Variants in ABCA9 observed in about 807,000 individuals in gnomAD.
ABCA9 encodes ATP-binding cassette sub-family A member 9.
In ABCA9, 183 loss-of-function variants were observed where a neutral mutation model predicts 205.3. The observed-to-expected ratio is 0.89, with a 90% CI of 0.79 to 1.01. The LOEUF (loss-of-function observed/expected upper bound fraction) is 1.01, where lower values mean the gene tolerates loss of function less well. Among genes scored for constraint, ABCA9 ranks in the 50% least tolerant of loss-of-function variants. The pLI, the probability that ABCA9 is intolerant of heterozygous loss-of-function variation, is 0.00. For missense variants in ABCA9, 1,805 were observed against 1,912.4 expected (o/e 0.94, Z 1.05); for synonymous variants, 651 against 683.3 (o/e 0.95, Z 0.74).
intron 1 of ABCA9, among the ~76,000 whole-genome samples, chr17:69,054,166 GA>G (rs973667307): frequency 3.9e-5 from 6 of 152,118 alleles, no homozygotes; most frequent in Non-Finnish European, 8.8e-5. Flanking sequence ...GTTGCCAGTA[GA>G]CCTGCCTTGC....
At chr17:69,071,106 T>C in the ABCA9 span, among the ~76,000 whole-genome samples, 196 of 152,238 alleles carry the variant, frequency 1.3e-3, no homozygotes, top group African/African-American at 4.6e-3. Flanking sequence ...GGCTTATAGA[T>C]AAAACTCTGA....
chr17:68,998,318 T>G (rs540624240), intron 25 of ABCA9, among the ~76,000 whole-genome samples: 50 of 152,354 alleles, frequency 3.3e-4, no homozygotes, highest in Admixed American at 3.1e-3. Context: ...CATTTTATAT[T>G]TGATTATGTC....
rs1261573082 is a variant in ABCA9, at chr17:69,049,271, CA to C, written c.304+11del. 5.7e-6 allele frequency: 9 copies of C among 1,588,470 alleles called. No homozygotes were observed. In the Admixed American group the frequency reaches 1.6e-4, roughly 28 times the overall value. On this transcript the variant is annotated intron_variant, in intron 3 of 38. Transcript: ENST00000340001. ...AAATAAGGAAATTACTATGAACAAC[CA>C]GGGAACATACCTTTTAGGAATGGGG...
intron 23 of ABCA9, 26 bp downstream of exon 23, chr17:69,011,950 C>A: frequency 6.5e-7 from 1 of 1,528,730 alleles, no homozygotes; most frequent in Non-Finnish European, 9.0e-7. Flanking sequence ...ATATAAAAAA[C>A]ATGTGAAGAC....
intron 37 of ABCA9, 51 bp from the exon 38 acceptor site, chr17:68,976,241 T>G (rs2068890642): frequency 6.5e-7 from 1 of 1,532,412 alleles, no homozygotes; most frequent in Admixed American, 1.8e-5. Context: ...TTTCAGTGAG[T>G]TTTACCAAGT....
chr17:69,074,669 G>A, the ABCA9 span, among the ~76,000 whole-genome samples: 77 of 152,114 alleles, frequency 5.1e-4, no homozygotes, highest in African/African-American at 1.8e-3. Context: ...CGGGCATCTC[G>A]GTTGATTCCA....
At chr17:68,988,946 G>T in intron 31 of ABCA9, 81 bp downstream of exon 31, 1 of 817,188 alleles carries the variant, frequency 1.2e-6, no homozygotes, top group Non-Finnish European at 2.0e-6. Flanking sequence ...AGTGATTATG[G>T]ATCAACTACA....
At chr17:69,057,370 G>C (rs1170503746) in intron 1 of ABCA9, among the ~76,000 whole-genome samples, 2 of 152,164 alleles carry the variant, frequency 1.3e-5, no homozygotes, top group Non-Finnish European at 2.9e-5. Flanking sequence ...GCCTGCTTAT[G>C]GGCTCAGCCT....
chr17:69,059,854 C>A (rs2072184148), intron 1 of ABCA9, among the ~76,000 whole-genome samples: 1 of 151,974 alleles, frequency 6.6e-6, no homozygotes, highest in Non-Finnish European at 1.5e-5. Context: ...CAGAAGTGAC[C>A]AAAGAAATTC....
At position 68,990,936 on chromosome 17, in the gene ABCA9, A is replaced by T; in HGVS notation, c.3738T>A (p.Ala1246=). 1 of 1,611,960 alleles carries T rather than the reference A, an allele frequency of 6.2e-7. No homozygotes were observed. Among genetic ancestry groups the T allele is most frequent in the East Asian group, 2.2e-5 (1 of 44,858 alleles). ...PVFRISPRSN[A]IFPNPEEPEG... ...CAGGCTCTTCTGGGTTTGGAAAAAT[A>T]GCGTTGCTTCTTGGAGAAATTCTGA... Residue 1246 remains alanine (A), a synonymous_variant, in exon 29 of 39, where the codon GCT becomes GCA. Coordinates refer to ENST00000340001, the MANE Select transcript of ABCA9 (RefSeq NM_080283.4).
At position 69,032,246 on chromosome 17, in the gene ABCA9, A is replaced by T; in HGVS notation, c.1307T>A (p.Phe436Tyr). 1 of 1,613,972 alleles carries T rather than the reference A, an allele frequency of 6.2e-7. No individual in the cohort carries two copies. The highest frequency in any genetic ancestry group is 8.5e-7 in the Non-Finnish European group (1 of 1,179,936). The change falls in exon 10 of 39, where the codon TTT becomes TAT. Residue 436 changes from phenylalanine to tyrosine, a missense_variant. Transcript: ENST00000340001. The part of the protein sequence containing the change: ...AEYGHRCSPL[F>Y]FLKSCFWFQH... Reference sequence around the variant, plus strand: ...AAACCAAAAACAGGATTTCAGGAAAAACAAGGGAGAACATCGATGTCCATA... The same window carrying T: ...AAACCAAAAACAGGATTTCAGGAAATACAAGGGAGAACATCGATGTCCATA...
chr17:68,982,979 C>A (rs973048544), intron 36 of ABCA9, among the ~76,000 whole-genome samples: 8 of 152,108 alleles, frequency 5.3e-5, no homozygotes, highest in African/African-American at 1.4e-4. Context: ...GCACTGTAGA[C>A]TGGGCGACAG....
At chr17:69,044,016 C>T (rs1010054906) in intron 5 of ABCA9, among the ~76,000 whole-genome samples, 1 of 152,070 alleles carries the variant, frequency 6.6e-6, no homozygotes, top group Non-Finnish European at 1.5e-5. Context: ...TCATTGTTTG[C>T]CTAGTACACC....
At chr17:69,006,886 CAG>C (rs1475214599) in intron 25 of ABCA9, among the ~76,000 whole-genome samples, 1 of 152,080 alleles carries the variant, frequency 6.6e-6, no homozygotes, top group Non-Finnish European at 1.5e-5. Context: ...AGAGTAGAAA[CAG>C]AGAGACCAGT....
At chr17:69,026,513 C>A in intron 15 of ABCA9, 46 bp from the exon 16 acceptor site, 1 of 1,454,560 alleles carries the variant, frequency 6.9e-7, no homozygotes. Context: ...GGACTTATTT[C>A]TTTACTATTC....
chr17:68,996,218 C>G (rs1410953992), intron 25 of ABCA9, among the ~76,000 whole-genome samples: 2 of 152,182 alleles, frequency 1.3e-5, no homozygotes, highest in African/African-American at 2.4e-5. Context: ...TTAAAAGACA[C>G]AGTGATGCTT....
At position 68,993,031 on chromosome 17, in the gene ABCA9, G is replaced by A; in HGVS notation, c.3609C>T (p.Tyr1203=). The A allele has an allele frequency of 6.2e-7, 1 of 1,613,252 alleles. No individual in the cohort carries two copies. Among genetic ancestry groups the A allele is most frequent in the Non-Finnish European group, 8.5e-7 (1 of 1,179,482 alleles). ...YLGASESEIV[Y]LALLIPYLHF... is the part of the protein sequence containing the mutation. ...GTCTTCTTACTATTAGCAGTGCCAG[G>A]TATACAATTTCAGATTCTGAAGCTC... The change falls in exon 27 of 39, where the codon TAC becomes TAT. Residue 1203 remains tyrosine (Y), a synonymous_variant. Coordinates refer to ENST00000340001, the MANE Select transcript of ABCA9 (RefSeq NM_080283.4).
Position 68,990,823 on chromosome 17 carries a change from T to C in ABCA9, c.3837+14A>G, listed in dbSNP as rs1249009350. On this transcript the variant is annotated intron_variant, in intron 29 of 38. Transcript: ENST00000340001. The stretch of plus-strand genomic sequence containing the variant: ...AAAAAAAAATAGTTGACGAAGAACA[T>C]TTCTGAGTTCTACCTCATCAAAGTC... The C allele has an allele frequency of 6.3e-7, 1 of 1,599,668 alleles. No individual in the cohort carries two copies. Among genetic ancestry groups the C allele is most frequent in the Non-Finnish European group, 8.5e-7 (1 of 1,176,808 alleles).
chr17:69,038,656 C>G (rs1203687969), intron 6 of ABCA9, among the ~76,000 whole-genome samples: 1 of 152,176 alleles, frequency 6.6e-6, no homozygotes, highest in African/African-American at 2.4e-5. Context: ...AAAACCAGCA[C>G]AAGACAAGGA....
Sources: allele counts gnomAD v4.1 joint callset (sites outside exome capture counted in the v4.1 genomes callset), GRCh38; gene constraint gnomAD v4.1.1; transcripts MANE v1.5; gene names NCBI Gene and HGNC (gene_info 2026-07-23, HGNC 2026-07-21).